Variants in DNAAF11 observed in about 807,000 individuals in gnomAD.
The protein encoded by DNAAF11 is leucine rich repeat containing 6.
A neutral mutation model predicts 60.8 loss-of-function variants in DNAAF11; 45 were observed. The ratio of observed to expected loss-of-function variants is 0.74; its 90% CI spans 0.58 to 0.95. The LOEUF (loss-of-function observed/expected upper bound fraction) is 0.95. DNAAF11 is among the 40% of genes least tolerant of loss of function. The pLI is 0.00. For missense variants in DNAAF11, 546 were observed against 546.2 expected, an observed-to-expected ratio of 1.00 and a Z score of 0.00; for synonymous variants, 191 against 183.5, an observed-to-expected ratio of 1.04 and a Z score of -0.33.
intron 3 of DNAAF11, among the ~76,000 whole-genome samples, chr8:132,640,131 A>G (rs1226778692): frequency 6.6e-6 from 1 of 152,188 alleles, no homozygotes; most frequent in Non-Finnish European, 1.5e-5. Flanking sequence ...CACTAGAACA[A>G]TCTGCTGCAT....
At position 132,669,319 on chromosome 8, in the gene DNAAF11, G is replaced by T. The variant is rs115723344; in HGVS notation, c.10+6165C>A. Reference sequence around the variant, plus strand: ...AGTCAGACTACATGTTGTCACAGTGGCAAGGACACTGTTATTCCTGGTAGG... The same window carrying T: ...AGTCAGACTACATGTTGTCACAGTGTCAAGGACACTGTTATTCCTGGTAGG... On this transcript the variant is annotated intron_variant, in intron 1 of 11. Transcript: ENST00000620350. Among the ~76,000 whole-genome samples, 1,218 of 152,280 alleles carry T rather than the reference G, an allele frequency of 8.0e-3. 16 individuals carry two copies. The highest frequency in any genetic ancestry group is 0.028 in the African/African-American group (1,175 of 41,564).
intron 4 of DNAAF11, among the ~76,000 whole-genome samples, chr8:132,636,202 A>T (rs534270860): frequency 7.3e-5 from 11 of 150,058 alleles, no homozygotes; most frequent in African/African-American, 2.2e-4. Flanking sequence ...TTTACATAGT[A>T]GTAAACATAT....
chr8:132,604,895 A>G (rs749000182), intron 10 of DNAAF11, among the ~76,000 whole-genome samples: 1 of 152,190 alleles, frequency 6.6e-6, no homozygotes, highest in Non-Finnish European at 1.5e-5. Context: ...AATAATGGAG[A>G]GACACATTAT....
chr8:132,633,519 A>G (rs1821008252), intron 4 of DNAAF11, among the ~76,000 whole-genome samples: 1 of 152,238 alleles, frequency 6.6e-6, no homozygotes, highest in Non-Finnish European at 1.5e-5. Context: ...TAAAGCTAAC[A>G]GTTTAAAGAT....
chr8:132,667,889 T>C (rs895580093), intron 1 of DNAAF11, among the ~76,000 whole-genome samples: 2 of 152,206 alleles, frequency 1.3e-5, no homozygotes, highest in Non-Finnish European at 2.9e-5. Context: ...CCTGCTGTGT[T>C]TGTTTCTAAA....
chr8:132,631,435 A>T (rs1166308526), intron 5 of DNAAF11, among the ~76,000 whole-genome samples: 1 of 152,200 alleles, frequency 6.6e-6, no homozygotes, highest in Non-Finnish European at 1.5e-5. Flanking sequence ...CTATACTTAC[A>T]ATGAATTAGT....
chr8:132,638,324 T>C (rs1312988958), intron 3 of DNAAF11, among the ~76,000 whole-genome samples: 2 of 152,216 alleles, frequency 1.3e-5, no homozygotes, highest in Non-Finnish European at 2.9e-5. Context: ...TTTCACCGTC[T>C]GAGTCCTTCC....
chr8:132,658,371 G>A (rs995311832), intron 2 of DNAAF11, among the ~76,000 whole-genome samples: 1 of 152,094 alleles, frequency 6.6e-6, no homozygotes, highest in African/African-American at 2.4e-5. Context: ...TGCCCAGGCT[G>A]GAGTGCAGTG....
At chr8:132,611,755 G>T (rs1219935927) in intron 8 of DNAAF11, among the ~76,000 whole-genome samples, 2 of 152,008 alleles carry the variant, frequency 1.3e-5, no homozygotes, top group African/African-American at 4.8e-5. Flanking sequence ...TGCTTCCTTG[G>T]CGGCTCTGGA....
At chr8:132,634,549 T>C (rs937758308) in intron 4 of DNAAF11, among the ~76,000 whole-genome samples, 1 of 152,050 alleles carries the variant, frequency 6.6e-6, no homozygotes, top group Admixed American at 6.6e-5. Context: ...CATACTTAAT[T>C]TGATCTAATT....
rs776827950 is a variant in DNAAF11 at position 132,632,886 on chromosome 8, G to A, written c.507C>T (p.Ile169=). ...GACAGTGATCTTTTTCCTGCTCTCT[G>A]ATTTGTGGTTCAATTACTGAATAGT... ...LQDYSVIEPQ[I]REQEKDHCLK... Residue 169 remains isoleucine, a synonymous_variant, in exon 5 of 12, where the codon ATC becomes ATT. Coordinates refer to ENST00000620350, the MANE Select transcript of DNAAF11 (RefSeq NM_012472.6). The A allele has an allele frequency of 6.2e-7, 1 of 1,613,792 alleles. No homozygotes were observed. The highest frequency in any genetic ancestry group is 8.5e-7 in the Non-Finnish European group (1 of 1,179,844).
the DNAAF11 span, chr8:132,685,141 T>C: frequency 6.6e-6 from 1 of 152,222 alleles, no homozygotes; most frequent in Non-Finnish European, 1.5e-5. Flanking sequence ...CTAAGAAACA[T>C]ATCCACTAAT....
the DNAAF11 span, among the ~76,000 whole-genome samples, chr8:132,692,060 T>C: frequency 6.6e-6 from 1 of 152,138 alleles, no homozygotes; most frequent in Non-Finnish European, 1.5e-5. Flanking sequence ...CTGGCTGCTA[T>C]ATGAAAAAGA....
intron 10 of DNAAF11, among the ~76,000 whole-genome samples, chr8:132,593,180 G>A (rs1298665459): frequency 6.6e-6 from 1 of 151,498 alleles, no homozygotes; most frequent in Non-Finnish European, 1.5e-5. Context: ...TTAAAAGGAG[G>A]AGGAGAATCC....
intron 10 of DNAAF11, among the ~76,000 whole-genome samples, chr8:132,594,638 A>G (rs1417830608): frequency 2.0e-5 from 3 of 152,048 alleles, no homozygotes; most frequent in African/African-American, 7.2e-5. Flanking sequence ...TGTTCTCTTC[A>G]TAGTGAGGGA....
At chr8:132,583,971 G>GA (rs1484459607) in intron 10 of DNAAF11, among the ~76,000 whole-genome samples, 192 bp from the exon 11 acceptor site, 1 of 152,148 alleles carries the variant, frequency 6.6e-6, no homozygotes, top group Non-Finnish European at 1.5e-5. Context: ...TCTGTTGCAA[G>GA]AGTCTCGCGA....
At chr8:132,701,676 G>T in the DNAAF11 span, among the ~76,000 whole-genome samples, 6 of 152,220 alleles carry the variant, frequency 3.9e-5, no homozygotes, top group African/African-American at 1.4e-4. Context: ...TTTGGATAAA[G>T]TGTCTTTAAA....
intron 1 of DNAAF11, among the ~76,000 whole-genome samples, chr8:132,673,017 C>T (rs938931569): frequency 1.3e-5 from 2 of 152,136 alleles, no homozygotes; most frequent in African/African-American, 4.8e-5. Context: ...CACACAGGAG[C>T]AGTCAGGAGA....
intron 11 of DNAAF11, chr8:132,578,381 A>C: frequency 7.3e-7 from 1 of 1,361,690 alleles, no homozygotes; most frequent in East Asian, 2.6e-5. Flanking sequence ...ATAATCTCCA[A>C]AACAAAGTGG....
Sources: allele counts gnomAD v4.1 joint callset (sites outside exome capture counted in the v4.1 genomes callset), GRCh38; gene constraint gnomAD v4.1.1; transcripts MANE v1.5; gene names NCBI Gene and HGNC (gene_info 2026-07-23, HGNC 2026-07-21).